The following FRMD3 variants were observed in gnomAD, a reference collection of about 807,000 sequenced individuals.
FRMD3 encodes FERM domain-containing protein 3.
A neutral mutation model predicts 70.2 loss-of-function variants in FRMD3; 33 were observed. The ratio of observed to expected loss-of-function variants is 0.47; its 90% CI spans 0.36 to 0.63. The LOEUF (loss-of-function observed/expected upper bound fraction) is 0.63, where lower values mean the gene tolerates loss of function less well. FRMD3 is among the 20% of genes least tolerant of loss of function. The pLI is 0.00. For missense variants in FRMD3, 632 were observed against 711.4 expected, an observed-to-expected ratio of 0.89 and a Z score of 1.27; for synonymous variants, 279 against 255.9, an observed-to-expected ratio of 1.09 and a Z score of -0.86.
chr9:83,458,105 C>T (rs1445844960), intron 1 of FRMD3, among the ~76,000 whole-genome samples: 2 of 151,380 alleles, frequency 1.3e-5, no homozygotes, highest in East Asian at 1.9e-4. Flanking sequence ...TGGCCACTGG[C>T]TCCTTGTCTA....
intron 2 of FRMD3, among the ~76,000 whole-genome samples, chr9:83,381,599 G>C (rs1825357687): frequency 6.6e-6 from 1 of 152,028 alleles, no homozygotes; most frequent in Non-Finnish European, 1.5e-5. Flanking sequence ...TTTCACTGTA[G>C]TGTTTTCCAC....
chr9:83,426,959 A>G (rs943365641), intron 1 of FRMD3, among the ~76,000 whole-genome samples: 1 of 152,194 alleles, frequency 6.6e-6, no homozygotes, highest in Non-Finnish European at 1.5e-5. Context: ...GTGAAACCAA[A>G]CAAACTTATT....
At chr9:83,255,371 G>C (rs1305181504) in intron 13 of FRMD3, among the ~76,000 whole-genome samples, 1 of 151,914 alleles carries the variant, frequency 6.6e-6, no homozygotes, top group Non-Finnish European at 1.5e-5. Flanking sequence ...AGTAATGAAG[G>C]AACATACCTC....
chr9:83,490,079 T>C (rs1360313172), intron 1 of FRMD3, among the ~76,000 whole-genome samples: 1 of 152,202 alleles, frequency 6.6e-6, no homozygotes, highest in African/African-American at 2.4e-5. Flanking sequence ...ATCACCTTGC[T>C]TTTTATCTGC....
chr9:83,397,123 G>A (rs906603384), intron 1 of FRMD3, among the ~76,000 whole-genome samples: 2 of 152,192 alleles, frequency 1.3e-5, no homozygotes, highest in Non-Finnish European at 2.9e-5. Context: ...TGAATGGGGA[G>A]ACTGCACATA....
intron 1 of FRMD3, among the ~76,000 whole-genome samples, chr9:83,396,862 C>T (rs1026789237): frequency 2.0e-5 from 3 of 152,132 alleles, no homozygotes; most frequent in African/African-American, 7.2e-5. Context: ...ATTTTCACTC[C>T]GGAGAGAAGG....
At chr9:83,451,389 T>A (rs1587865823) in intron 1 of FRMD3, among the ~76,000 whole-genome samples, 3 of 147,478 alleles carry the variant, frequency 2.0e-5, no homozygotes, top group South Asian at 2.2e-4. Context: ...AATACATACA[T>A]CACACACACA....
chr9:83,523,222 G>A (rs534548751), intron 1 of FRMD3, among the ~76,000 whole-genome samples: 21 of 151,992 alleles, frequency 1.4e-4, no homozygotes, highest in Non-Finnish European at 2.2e-4. Context: ...ATAGATTTAC[G>A]GATGAGTGGA....
chr9:83,464,237 T>C (rs1331632396), intron 1 of FRMD3, among the ~76,000 whole-genome samples: 1 of 152,124 alleles, frequency 6.6e-6, no homozygotes, highest in African/African-American at 2.4e-5. Context: ...CAAAGAACGG[T>C]GTGTTCTGAT....
Position 83,453,480 on chromosome 9 carries a change from A to G in FRMD3, c.148-63772T>C, listed in dbSNP as rs1205678524. Reference sequence around the variant, plus strand: ...GTTTGGATACGGGATATGTTAACCTACTTTTTCAACTGTAAATTTTGTAAA... The same window carrying G: ...GTTTGGATACGGGATATGTTAACCTGCTTTTTCAACTGTAAATTTTGTAAA... On this transcript the variant is annotated intron_variant, in intron 1 of 13. Coordinates refer to ENST00000304195, the MANE Select transcript of FRMD3 (RefSeq NM_174938.6). 3.3e-5 allele frequency among the ~76,000 whole-genome samples: 5 copies of G among 152,292 alleles called. No homozygotes were observed. In the South Asian group the frequency reaches 6.2e-4, roughly 19 times the overall value.
At chr9:83,396,631 A>G (rs1179874048) in intron 1 of FRMD3, among the ~76,000 whole-genome samples, 1 of 152,152 alleles carries the variant, frequency 6.6e-6, no homozygotes, top group African/African-American at 2.4e-5. Context: ...GATAATTCTT[A>G]TTTACTCTTC....
At chr9:83,581,389 G>A in the FRMD3 span, among the ~76,000 whole-genome samples, 1 of 152,166 alleles carries the variant, frequency 6.6e-6, no homozygotes, top group African/African-American at 2.4e-5. Flanking sequence ...TAATCATTGA[G>A]GAAATGCAAA....
chr9:83,310,306 T>A (rs1406027138), intron 9 of FRMD3, among the ~76,000 whole-genome samples, 179 bp downstream of exon 9: 6 of 152,240 alleles, frequency 3.9e-5, no homozygotes, highest in Non-Finnish European at 5.9e-5. Flanking sequence ...TATTGTTCAA[T>A]GTACAAACCC....
intron 2 of FRMD3, among the ~76,000 whole-genome samples, chr9:83,384,051 T>A (rs557881452): frequency 3.9e-5 from 6 of 152,338 alleles, no homozygotes; most frequent in African/African-American, 1.4e-4. Flanking sequence ...TTTCAAGTTA[T>A]CACGATAGTA....
At chr9:83,359,687 A>T (rs1339421691) in intron 3 of FRMD3, among the ~76,000 whole-genome samples, 1 of 152,192 alleles carries the variant, frequency 6.6e-6, no homozygotes, top group African/African-American at 2.4e-5. Flanking sequence ...AAAATCTTAT[A>T]TATCTTTTGG....
chr9:83,546,199 AT>A, the FRMD3 span, among the ~76,000 whole-genome samples: 1 of 152,198 alleles, frequency 6.6e-6, no homozygotes, highest in Non-Finnish European at 1.5e-5. Flanking sequence ...TCTACCAAAA[AT>A]ACAAAAATTA....
rs1824404845 is a variant in FRMD3, at chr9:83,357,245, ACATATATATATATATATATAT to A, written c.296-7509_296-7489del. ...TATATTTTATATATATATAATACAT[ACATATATATATATATATATAT>A]ATATATATATATATATATATATATA... On this transcript the variant is annotated intron_variant, in intron 3 of 13. Coordinates refer to ENST00000304195, the MANE Select transcript of FRMD3 (RefSeq NM_174938.6). 0.012 allele frequency among the ~76,000 whole-genome samples: 81 copies of A among 6,494 alleles called. 4 individuals are homozygous for A. In the South Asian group the frequency reaches 0.27, roughly 21 times the overall value. 4.3% of individuals were successfully genotyped at this position (6,494 alleles called of 152,430 possible). A position where few individuals can be genotyped will look rare whatever the true frequency, so the allele number is the denominator to read the frequency against.
intron 1 of FRMD3, among the ~76,000 whole-genome samples, chr9:83,452,982 G>A (rs1194017791): frequency 1.3e-5 from 2 of 150,392 alleles, no homozygotes; most frequent in Admixed American, 6.7e-5. Context: ...AGCCTCTTGA[G>A]TAGCTGGGAT....
At chr9:83,378,050 G>A (rs1825203965) in intron 2 of FRMD3, among the ~76,000 whole-genome samples, 1 of 152,064 alleles carries the variant, frequency 6.6e-6, no homozygotes. Flanking sequence ...CTGACAAGCT[G>A]TGGACTTAGA....
Sources: gnomAD v4.1 joint callset for allele counts (sites outside exome capture counted in the v4.1 genomes callset) on GRCh38, gnomAD v4.1.1 for gene constraint, MANE v1.5 for transcripts, NCBI Gene and HGNC (gene_info 2026-07-23, HGNC 2026-07-21) for gene names.